CSMD1: variants seen among roughly 807,000 people sequenced by gnomAD.
CSMD1 encodes CUB and sushi domain-containing protein 1.
In CSMD1, 213 loss-of-function variants were observed where a neutral mutation model predicts 417.5. That is an observed-to-expected ratio of 0.51 (90% confidence interval 0.46 to 0.57). The LOEUF (loss-of-function observed/expected upper bound fraction) is 0.57, where lower values mean the gene tolerates loss of function less well. Among genes scored for constraint, CSMD1 ranks in the 20% least tolerant of loss-of-function variants. CSMD1 has a pLI of 0.00. For synonymous variants in CSMD1, 2,862 were observed against 1,736.8 expected (o/e 1.65, Z -16.11); for missense variants, 6,923 against 4,529.7 (o/e 1.53, Z -15.17).
Position 3,128,550 on chromosome 8 carries a change from T to G in CSMD1, c.6242-9963A>C, listed in dbSNP as rs992965043. ...TAATTATAAGCTTAGCTTCTAAATC[T>G]CAAGTAGAACCTAGGAATGTTTATT... On this transcript the variant is annotated intron_variant, in intron 41 of 69. Transcript: ENST00000635120. The G allele has an allele frequency of 7.2e-5, 19 of 264,718 alleles. No homozygotes were observed. In the East Asian group the frequency reaches 1.3e-3, roughly 18 times the overall value. The allele number at this position is 264,718 out of a possible 1,614,324, so 16.4% of individuals were successfully genotyped here. A position where few individuals can be genotyped will look rare whatever the true frequency, so the allele number is the denominator to read the frequency against.
chr8:4,222,365 CAGA>C (rs1482358311), intron 3 of CSMD1, among the ~76,000 whole-genome samples: 2 of 226 alleles, frequency 8.8e-3, no homozygotes. Context: ...ATTCTGTAAA[CAGA>C]ATAAGAAGCT....
chr8:3,523,847 G>C (rs1177706065), intron 10 of CSMD1, among the ~76,000 whole-genome samples: 2 of 113,044 alleles, frequency 1.8e-5, no homozygotes, highest in African/African-American at 7.2e-5. Context: ...AGAGACACAT[G>C]TGCATGCGCA....
Position 4,885,199 on chromosome 8 carries a change from A to C in CSMD1, c.85+109133T>G, listed in dbSNP as rs1029467185. On this transcript the variant is annotated intron_variant, in intron 1 of 69. Coordinates refer to ENST00000635120, the MANE Select transcript of CSMD1 (RefSeq NM_033225.6). ...TTATCTGGTAACCTGCAAGCCTGCT[A>C]AATTTTATTTTTAGATATAATAGTT... Among the ~76,000 whole-genome samples the C allele has an allele frequency of 3.3e-5, 5 of 152,212 alleles. No individual in the cohort carries two copies. In the East Asian group the frequency reaches 9.6e-4, roughly 29 times the overall value.
intron 3 of CSMD1, among the ~76,000 whole-genome samples, chr8:4,122,294 C>G (rs975341084): frequency 3.9e-5 from 6 of 152,054 alleles, no homozygotes; most frequent in Non-Finnish European, 7.4e-5. Context: ...ATTTGCTGGT[C>G]ATAAGACAGC....
In CSMD1 at chr8:3,670,880, GGATATATATGTATGT is replaced by G. The variant is rs1245459184; in HGVS notation, c.1009+37519_1009+37533del. ...TATGTATGGGATATATATGTATATG[GGATATATATGTATGT>G]GATATATATGTATATGGGATATATA... On this transcript the variant is annotated intron_variant, in intron 7 of 69. Transcript: ENST00000635120. Among the ~76,000 whole-genome samples the G allele has an allele frequency of 1.5e-3, 168 of 115,606 alleles. 1 individual carries two copies. The highest frequency in any genetic ancestry group is 4.7e-3 in the African/African-American group (158 of 33,910). The allele number at this position is 115,606 out of a possible 152,430, so 75.8% of individuals were successfully genotyped here. A position where few individuals can be genotyped will look rare whatever the true frequency, so the allele number is the denominator to read the frequency against.
rs1419866141 is a variant in CSMD1, at chr8:3,168,045, T to C, written c.5726-5768A>G. 2.2e-5 allele frequency among the ~76,000 whole-genome samples: 3 copies of C among 134,130 alleles called. No individual in the cohort carries two copies. The Admixed American group carries it at 2.4e-4, about 11-fold the overall frequency. The allele number at this position is 134,130 out of a possible 152,430, so 88.0% of individuals were successfully genotyped here. ...TGGCAGAGTGTAAGGTTTTCAAACA[T>C]CACAATTAGAAAAAAAAAAAAAAGA... is the stretch of plus-strand genomic sequence containing the variant. On this transcript the variant is annotated intron_variant, in intron 37 of 69. Transcript: ENST00000635120.
chr8:4,453,044 G>A (rs767881699), intron 2 of CSMD1, among the ~76,000 whole-genome samples: 10 of 152,120 alleles, frequency 6.6e-5, no homozygotes, highest in Non-Finnish European at 1.5e-4. Flanking sequence ...AGATTTTCAA[G>A]CATGTTGTGC....
intron 3 of CSMD1, among the ~76,000 whole-genome samples, chr8:4,151,038 T>C (rs940320765): frequency 5.9e-5 from 9 of 152,070 alleles, no homozygotes; most frequent in African/African-American, 1.9e-4. Flanking sequence ...GCAGACGTAA[T>C]AAAACGGTTG....
chr8:3,285,974 C>A (rs1400124763), intron 25 of CSMD1, among the ~76,000 whole-genome samples: 1 of 152,080 alleles, frequency 6.6e-6, no homozygotes, highest in African/African-American at 2.4e-5. Flanking sequence ...CTAATGCTAT[C>A]CCTCCCCACT....
At chr8:4,166,852 T>C (rs539249442) in intron 3 of CSMD1, among the ~76,000 whole-genome samples, 3 of 152,344 alleles carry the variant, frequency 2.0e-5, no homozygotes, top group African/African-American at 7.2e-5. Context: ...TTAAATTTGT[T>C]TCAATGAACA....
At chr8:3,092,279 T>C (rs1440818989) in intron 47 of CSMD1, among the ~76,000 whole-genome samples, 3 of 152,106 alleles carry the variant, frequency 2.0e-5, no homozygotes, top group Non-Finnish European at 4.4e-5. Context: ...TATACACATA[T>C]CCACATAGGT....
At chr8:4,578,172 C>CT (rs1298809085) in intron 2 of CSMD1, among the ~76,000 whole-genome samples, 2 of 151,702 alleles carry the variant, frequency 1.3e-5, no homozygotes, top group Non-Finnish European at 2.9e-5. Flanking sequence ...ATTTTTTGTT[C>CT]TTTTTTGAGA....
intron 6 of CSMD1, among the ~76,000 whole-genome samples, chr8:3,728,870 G>A (rs185847991): frequency 5.9e-5 from 9 of 152,276 alleles, no homozygotes; most frequent in Admixed American, 4.6e-4. Flanking sequence ...ATGGACTAAG[G>A]CAGGGATACT....
At chr8:2,966,498 A>G in intron 58 of CSMD1, 72 bp downstream of exon 58, 1 of 1,411,086 alleles carries the variant, frequency 7.1e-7, no homozygotes, top group South Asian at 1.3e-5. Flanking sequence ...TAACACCTTA[A>G]AGTCATTTTT....
intron 5 of CSMD1, among the ~76,000 whole-genome samples, chr8:3,770,487 C>G (rs1342154940): frequency 6.6e-6 from 1 of 152,100 alleles, no homozygotes; most frequent in African/African-American, 2.4e-5. Context: ...CAAGATCACA[C>G]CACTGCACCC....
intron 3 of CSMD1, among the ~76,000 whole-genome samples, chr8:4,045,217 G>C (rs747611075): frequency 5.9e-5 from 9 of 152,168 alleles, no homozygotes; most frequent in Non-Finnish European, 1.2e-4. Flanking sequence ...CAATGTGGGC[G>C]ACAGTTGTCC....
At chr8:3,924,532 A>T (rs952980918) in intron 5 of CSMD1, among the ~76,000 whole-genome samples, 6 of 152,094 alleles carry the variant, frequency 3.9e-5, no homozygotes, top group African/African-American at 1.2e-4. Flanking sequence ...AGCTCGGTGG[A>T]CTTGCTTCAT....
chr8:4,000,165 C>A (rs1263047429), intron 4 of CSMD1, among the ~76,000 whole-genome samples: 1 of 151,854 alleles, frequency 6.6e-6, no homozygotes, highest in Non-Finnish European at 1.5e-5. Context: ...TGAGAACAAG[C>A]TGCACAACTG....
chr8:3,806,752 G>A, intron 5 of CSMD1, among the ~76,000 whole-genome samples: 1 of 152,144 alleles, frequency 6.6e-6, no homozygotes, highest in East Asian at 1.9e-4. Context: ...TAACAATGAA[G>A]ACAAGTAATG....
Sources: gnomAD v4.1 joint callset for allele counts (sites outside exome capture counted in the v4.1 genomes callset) on GRCh38, gnomAD v4.1.1 for gene constraint, MANE v1.5 for transcripts, NCBI Gene and HGNC (gene_info 2026-07-23, HGNC 2026-07-21) for gene names.